BBS4: variants seen among roughly 807,000 people sequenced by gnomAD.
The protein encoded by BBS4 is BBSome complex member BBS4.
A neutral mutation model predicts 71.4 loss-of-function variants in BBS4; 58 were observed. The observed-to-expected ratio is 0.81, with a 90% CI of 0.66 to 1.01. BBS4 has a LOEUF of 1.01. Ranked by LOEUF, BBS4 falls within the 50% of genes least tolerant of loss-of-function variation. The pLI is 0.00. For synonymous variants in BBS4, 228 were observed against 216.8 expected (o/e 1.05, Z -0.46); for missense variants, 660 against 607.9 (o/e 1.09, Z -0.90).
At position 72,705,130 on chromosome 15, in the gene BBS4, T is replaced by C. The variant is rs192383628; in HGVS notation, c.77-4570T>C. Among the ~76,000 whole-genome samples, 43 of 152,294 alleles carry C rather than the reference T, an allele frequency of 2.8e-4. 1 individual carries two copies. Among genetic ancestry groups the C allele is most frequent in the Admixed American group, 2.2e-3 (34 of 15,298 alleles). On this transcript the variant is annotated intron_variant, in intron 2 of 15. Transcript: ENST00000268057. ...TTTCTCCATAGAAAAATATCACTCA[T>C]AAGTGTAACATACTTTATTATCTGT...
chr15:72,690,966 A>G (rs557673574), intron 1 of BBS4, among the ~76,000 whole-genome samples: 6 of 152,256 alleles, frequency 3.9e-5, no homozygotes, highest in African/African-American at 1.2e-4. Context: ...GAATAATGAT[A>G]TTGAAGATTT....
chr15:72,725,039 T>TAA (rs1491455429), intron 8 of BBS4, among the ~76,000 whole-genome samples: 55 of 70,814 alleles, frequency 7.8e-4, no homozygotes, highest in African/African-American at 3.3e-3. Flanking sequence ...AGCATCTGGC[T>TAA]ATATATATAT....
At chr15:72,713,967 T>C (rs1234291111) in intron 4 of BBS4, among the ~76,000 whole-genome samples, 1 of 152,212 alleles carries the variant, frequency 6.6e-6, no homozygotes, top group East Asian at 1.9e-4. Flanking sequence ...AAAATTGCTA[T>C]GATTACCCAT....
chr15:72,716,793 A>G lies in BBS4; in HGVS notation c.348A>G (p.Lys116=), dbSNP rs2065475138. 2.5e-6 allele frequency: 4 copies of G among 1,609,338 alleles called. No homozygotes were observed. The East Asian group carries it at 8.9e-5, about 36-fold the overall frequency. The stretch of plus-strand genomic sequence containing the variant: ...TCTTTTACAGATTTCTTTTGGGAAA[A>G]CATAAAGCTGCCATTGAAGTATATA... The part of the protein sequence containing the change: ...QVARSLFLLG[K]HKAAIEVYNE... The change falls in exon 6 of 16, where the codon AAA becomes AAG. Residue 116 remains lysine (K), a synonymous_variant. Coordinates refer to ENST00000268057, the MANE Select transcript of BBS4 (RefSeq NM_033028.5).
At chr15:72,734,544 G>C (rs2151052471) in intron 12 of BBS4, among the ~76,000 whole-genome samples, 1 of 152,332 alleles carries the variant, frequency 6.6e-6, no homozygotes, top group South Asian at 2.1e-4. Context: ...TGTTTGTCCA[G>C]CTGTCTTCCT....
intron 2 of BBS4, among the ~76,000 whole-genome samples, chr15:72,705,097 G>C (rs1238126148): frequency 1.3e-5 from 2 of 151,916 alleles, no homozygotes; most frequent in African/African-American, 2.4e-5. Flanking sequence ...TCTCTTTCCT[G>C]CTTTATTTTT....
At chr15:72,725,123 A>G (rs1273041959) in intron 8 of BBS4, among the ~76,000 whole-genome samples, 3 of 151,576 alleles carry the variant, frequency 2.0e-5, no homozygotes, top group Non-Finnish European at 4.4e-5. Flanking sequence ...AGTGCAGTGG[A>G]GAACACAGCT....
intron 2 of BBS4, among the ~76,000 whole-genome samples, chr15:72,707,369 GGGTTTCACCATGTTGTCCA>G (rs2065284073): frequency 6.6e-6 from 1 of 151,508 alleles, no homozygotes; most frequent in African/African-American, 2.4e-5. Flanking sequence ...TGTAGAGATG[GGGTTTCACCATGTTGTCCA>G]GGCTGACCTC....
chr15:72,691,792 G>A (rs2064988761), intron 1 of BBS4, among the ~76,000 whole-genome samples: 2 of 152,070 alleles, frequency 1.3e-5, no homozygotes, highest in Non-Finnish European at 2.9e-5. Context: ...GTGCAACTCC[G>A]TCTCTACTAA....
chr15:72,704,321 C>A (rs1318680092), intron 2 of BBS4: 18 of 625,090 alleles, frequency 2.9e-5, no homozygotes, highest in Non-Finnish European at 4.6e-5. Context: ...ATAGGGGAGA[C>A]TCTGCTCTGC....
chr15:72,729,603 C>T lies in BBS4; in HGVS notation c.643-13C>T. On this transcript the variant is annotated splice_polypyrimidine_tract_variant and intron_variant, in intron 9 of 15. Coordinates refer to ENST00000268057, the MANE Select transcript of BBS4 (RefSeq NM_033028.5). ...TTGCTGATGTAAATTGTCTTGTTTG[C>T]TTTTTTTCCAAGCTCGGCATTTACC... 1 of 1,613,570 alleles carries T rather than the reference C, an allele frequency of 6.2e-7. No homozygotes were observed. The highest frequency in any genetic ancestry group is 8.5e-7 in the Non-Finnish European group (1 of 1,179,602).
chr15:72,700,255 G>GT (rs1000369333), intron 2 of BBS4, among the ~76,000 whole-genome samples: 20 of 152,074 alleles, frequency 1.3e-4, no homozygotes, highest in African/African-American at 3.9e-4. Flanking sequence ...TTATTTACTG[G>GT]TTTTTTTTGT....
chr15:72,737,485 AG>A lies in BBS4; in HGVS notation c.1460del (p.Gly487GlufsTer30). On this transcript the variant is annotated frameshift_variant, in exon 16 of 16. Transcript: ENST00000268057. LOFTEE classifies it high-confidence loss of function. ...AYRTLPSGAG[G>X]TSQFTKPPSL... ...TTTTTATTTTGTTACTAGGTGCTGG[AG>A]GAACATCCCAGTTCACAAAGCCCCC... 6.2e-7 allele frequency: 1 copy of A among 1,611,918 alleles called. No individual in the cohort carries two copies. Among genetic ancestry groups the A allele is most frequent in the South Asian group, 1.1e-5 (1 of 90,414 alleles).
chr15:72,688,796 G>T (rs1246040500), intron 1 of BBS4, among the ~76,000 whole-genome samples: 5 of 152,128 alleles, frequency 3.3e-5, no homozygotes, highest in Non-Finnish European at 5.9e-5. Context: ...GTAGTACTAG[G>T]GCATTCGTTG....
intron 1 of BBS4, among the ~76,000 whole-genome samples, chr15:72,688,197 C>T (rs1055974870): frequency 2.6e-5 from 4 of 151,642 alleles, no homozygotes; most frequent in East Asian, 1.9e-4. Context: ...GAGTCTGTGA[C>T]GGCAGAATTG....
chr15:72,716,693 T>G, intron 5 of BBS4, 85 bp from the exon 6 acceptor site: 1 of 1,035,332 alleles, frequency 9.7e-7, no homozygotes, highest in South Asian at 1.4e-5. Flanking sequence ...CTCTGCTGGA[T>G]GAAATATGAT....
At chr15:72,715,207 C>T (rs1430501890) in intron 4 of BBS4, 84 bp from the exon 5 acceptor site, 2 of 944,084 alleles carry the variant, frequency 2.1e-6, no homozygotes, top group East Asian at 2.4e-5. Context: ...TCCCAGTTTT[C>T]TCTTCTCCAA....
chr15:72,705,208 G>C (rs2065242534), intron 2 of BBS4, among the ~76,000 whole-genome samples: 1 of 152,184 alleles, frequency 6.6e-6, no homozygotes, highest in Admixed American at 6.5e-5. Flanking sequence ...AAATCAGGGA[G>C]TCAGTTTTGT....
chr15:72,686,527 C>T, intron 1 of BBS4: 1 of 1,500,632 alleles, frequency 6.7e-7, no homozygotes, highest in Admixed American at 2.0e-5. Flanking sequence ...ATGGCTCTTA[C>T]CGTAGTGCCA....
Sources: gnomAD v4.1 joint callset for allele counts (sites outside exome capture counted in the v4.1 genomes callset) on GRCh38, gnomAD v4.1.1 for gene constraint, MANE v1.5 for transcripts, NCBI Gene and HGNC (gene_info 2026-07-23, HGNC 2026-07-21) for gene names.